The following PNOC variants were observed in gnomAD, a reference collection of about 807,000 sequenced individuals.
PNOC encodes the protein nociceptin.
PNOC carries 10 observed loss-of-function variants against 15.6 expected under a neutral mutation model. The observed-to-expected ratio is 0.64, with a 90% CI of 0.40 to 1.09. PNOC has a LOEUF of 1.09. PNOC is among the 50% of genes least tolerant of loss of function. The pLI, the probability that PNOC is intolerant of heterozygous loss-of-function variation, is 0.01. For missense variants in PNOC, 220 were observed against 223.9 expected (o/e 0.98, Z 0.11); for synonymous variants, 98 against 88.5 (o/e 1.11, Z -0.60).
chr8:28,329,314 T>C, intron 2 of PNOC, 31 bp downstream of exon 2: 2 of 1,608,876 alleles, frequency 1.2e-6, no homozygotes, highest in South Asian at 1.1e-5. Context: ...AGAGAGGCTG[T>C]CCTCCTCCCT....
At chr8:28,338,734 T>C (rs937879690) in intron 2 of PNOC, 9 of 1,088,184 alleles carry the variant, frequency 8.3e-6, no homozygotes, top group East Asian at 1.2e-4. Flanking sequence ...AGGTGCGGTG[T>C]TGGGCGCATT....
intron 1 of PNOC, among the ~76,000 whole-genome samples, chr8:28,320,657 C>T (rs773455852): frequency 2.2e-4 from 33 of 151,798 alleles, no homozygotes; most frequent in South Asian, 1.0e-3. Flanking sequence ...AAGACCATCC[C>T]GGCTAACACG....
At chr8:28,330,406 T>TTTTTTTTTTTATTTTTA (rs1801310589) in intron 2 of PNOC, among the ~76,000 whole-genome samples, 3 of 98,206 alleles carry the variant, frequency 3.1e-5, no homozygotes, top group African/African-American at 1.1e-4. Context: ...ATTTTTTTTT[T>TTTTTTTTTTTATTTTTA]TTTTTTGAGA....
chr8:28,342,811 G>C (rs771734422), intron 3 of PNOC, 131 bp from the exon 4 acceptor site: 2 of 195,328 alleles, frequency 1.0e-5, no homozygotes, highest in Admixed American at 1.3e-4. Flanking sequence ...CTCTGGCTAC[G>C]TTAGGAACGA....
chr8:28,336,788 C>T (rs1296276954), intron 2 of PNOC, among the ~76,000 whole-genome samples: 1 of 151,718 alleles, frequency 6.6e-6, no homozygotes, highest in Admixed American at 6.6e-5. Context: ...GTTAGGGACC[C>T]ACTTCACCTA....
At chr8:28,335,159 G>A (rs1801390876) in intron 2 of PNOC, among the ~76,000 whole-genome samples, 1 of 152,194 alleles carries the variant, frequency 6.6e-6, no homozygotes, top group Non-Finnish European at 1.5e-5. Context: ...GTCCCTTCCA[G>A]TCCAGTGGAA....
intron 1 of PNOC, among the ~76,000 whole-genome samples, chr8:28,324,926 G>T (rs558250701): frequency 6.6e-6 from 1 of 152,030 alleles, no homozygotes; most frequent in Non-Finnish European, 1.5e-5. Flanking sequence ...TTTTCCTTTC[G>T]TATATATTCT....
chr8:28,327,777 A>G (rs1052546493), intron 1 of PNOC, among the ~76,000 whole-genome samples: 8 of 152,006 alleles, frequency 5.3e-5, no homozygotes, highest in African/African-American at 1.2e-4. Context: ...CAGCCTCCCA[A>G]AGTGCTGGGA....
intron 2 of PNOC, among the ~76,000 whole-genome samples, chr8:28,331,565 C>T (rs1801329924): frequency 6.6e-6 from 1 of 152,276 alleles, no homozygotes; most frequent in South Asian, 2.1e-4. Flanking sequence ...TCCTGAACTC[C>T]TCTCACCTGG....
chr8:28,321,285 C>G (rs774980716), intron 1 of PNOC, among the ~76,000 whole-genome samples: 1 of 144,306 alleles, frequency 6.9e-6, no homozygotes, highest in Non-Finnish European at 1.5e-5. Flanking sequence ...TGGGCTCAAG[C>G]GTCCTAAGTT....
chr8:28,321,504 C>T (rs73668436), intron 1 of PNOC, among the ~76,000 whole-genome samples: 9,523 of 152,104 alleles, frequency 0.063, 380 homozygotes, highest in East Asian at 0.22. Flanking sequence ...TCATGCTGCC[C>T]GGAAGCTACT....
chr8:28,340,073 C>T (rs1801489976), intron 3 of PNOC: 1 of 152,248 alleles, frequency 6.6e-6, no homozygotes, highest in Admixed American at 6.5e-5. Flanking sequence ...CTTCCTCCTT[C>T]CACAAGCCAT....
intron 1 of PNOC, among the ~76,000 whole-genome samples, chr8:28,327,225 G>A (rs931433548): frequency 1.3e-5 from 2 of 152,154 alleles, no homozygotes; most frequent in Non-Finnish European, 2.9e-5. Flanking sequence ...GTTCTACAGG[G>A]ACCCAAAATG....
chr8:28,331,529 G>A (rs977923498), intron 2 of PNOC, among the ~76,000 whole-genome samples: 8 of 152,056 alleles, frequency 5.3e-5, no homozygotes, highest in African/African-American at 1.9e-4. Flanking sequence ...CTCCTCCCAG[G>A]CTGCAGAAAA....
chr8:28,328,234 T>C (rs892784830), intron 1 of PNOC, among the ~76,000 whole-genome samples: 1 of 151,418 alleles, frequency 6.6e-6, no homozygotes, highest in African/African-American at 2.4e-5. Flanking sequence ...CACCCGGATA[T>C]ATATATATAT....
At chr8:28,323,303 T>A (rs1353010016) in intron 1 of PNOC, among the ~76,000 whole-genome samples, 3 of 152,234 alleles carry the variant, frequency 2.0e-5, no homozygotes, top group Non-Finnish European at 4.4e-5. Flanking sequence ...TATGAGACGC[T>A]CAGAATATAG....
intron 1 of PNOC, among the ~76,000 whole-genome samples, chr8:28,323,622 G>C (rs1194868597): frequency 1.3e-5 from 2 of 152,214 alleles, no homozygotes; most frequent in Non-Finnish European, 2.9e-5. Flanking sequence ...CAGTCACACA[G>C]GTCCACAGTG....
chr8:28,328,915 A>G (rs962773495), intron 1 of PNOC, among the ~76,000 whole-genome samples: 2 of 152,140 alleles, frequency 1.3e-5, no homozygotes, highest in African/African-American at 2.4e-5. Context: ...ACCCAGACAC[A>G]CTAACAAGCC....
At chr8:28,323,511 C>T (rs1001582835) in intron 1 of PNOC, among the ~76,000 whole-genome samples, 2 of 152,150 alleles carry the variant, frequency 1.3e-5, no homozygotes, top group African/African-American at 4.8e-5. Flanking sequence ...GCACACAGTC[C>T]CACCGTTACA....
Sources: gnomAD v4.1 joint callset for allele counts (sites outside exome capture counted in the v4.1 genomes callset) on GRCh38, gnomAD v4.1.1 for gene constraint, MANE v1.5 for transcripts, NCBI Gene and HGNC (gene_info 2026-07-23, HGNC 2026-07-21) for gene names.